Variants in DPP6 observed in about 807,000 individuals in gnomAD.
DPP6 encodes the protein dipeptidyl peptidase like 6.
DPP6 carries 69 observed loss-of-function variants against 122.6 expected under a neutral mutation model. The ratio of observed to expected loss-of-function variants is 0.56; its 90% CI spans 0.46 to 0.69. The LOEUF (loss-of-function observed/expected upper bound fraction) is 0.69, where lower values mean the gene tolerates loss of function less well. Ranked by LOEUF, DPP6 falls within the 30% of genes least tolerant of loss-of-function variation. The pLI, the probability that DPP6 is intolerant of heterozygous loss-of-function variation, is 0.00. For synonymous variants in DPP6, 418 were observed against 433.1 expected, an observed-to-expected ratio of 0.97 and a Z score of 0.43; for missense variants, 928 against 1,116.9, an observed-to-expected ratio of 0.83 and a Z score of 2.41.
chr7:154,030,897 A>G (rs188535625), intron 1 of DPP6, among the ~76,000 whole-genome samples: 3,966 of 152,052 alleles, frequency 0.026, 72 homozygotes, highest in Non-Finnish European at 0.036. Context: ...CATGTCTCTG[A>G]GCTATTAATA....
chr7:154,182,357 T>C (rs1172611803), intron 1 of DPP6, among the ~76,000 whole-genome samples: 1 of 152,142 alleles, frequency 6.6e-6, no homozygotes, highest in South Asian at 2.1e-4. Flanking sequence ...CACATGCCCA[T>C]TGCTGACCTA....
At chr7:154,622,806 G>A (rs1441840304) in intron 5 of DPP6, among the ~76,000 whole-genome samples, 10 of 152,198 alleles carry the variant, frequency 6.6e-5, no homozygotes, top group Non-Finnish European at 1.5e-4. Context: ...AGGGCAGCCT[G>A]CTGTGGGAAT....
intron 1 of DPP6, among the ~76,000 whole-genome samples, chr7:154,256,533 C>G (rs1563376505): frequency 6.6e-6 from 1 of 152,216 alleles, no homozygotes; most frequent in Non-Finnish European, 1.5e-5. Flanking sequence ...AGCTCACCCA[C>G]CTATCTGTAG....
At chr7:154,515,343 C>T (rs1387300494) in intron 3 of DPP6, among the ~76,000 whole-genome samples, 5 of 152,170 alleles carry the variant, frequency 3.3e-5, no homozygotes, top group African/African-American at 9.7e-5. Context: ...GTCCTGTCCT[C>T]CCTGGTGTGC....
At chr7:154,265,931 A>G (rs1342125151) in intron 1 of DPP6, among the ~76,000 whole-genome samples, 1 of 152,210 alleles carries the variant, frequency 6.6e-6, no homozygotes, top group Non-Finnish European at 1.5e-5. Flanking sequence ...TAAAAATGCA[A>G]CATGTACAAC....
chr7:154,030,101 T>C (rs530140865), intron 1 of DPP6, among the ~76,000 whole-genome samples: 365 of 152,076 alleles, frequency 2.4e-3, no homozygotes, highest in African/African-American at 8.7e-3. Context: ...GAGATTGCAG[T>C]GGGAGGATCA....
chr7:154,649,647 T>C (rs936998), intron 6 of DPP6, among the ~76,000 whole-genome samples: 113,899 of 152,166 alleles, frequency 0.75, 44,933 homozygotes, highest in Non-Finnish European at 0.87. Flanking sequence ...CATAGATCTG[T>C]GCCCTCAATG....
chr7:154,373,217 G>A (rs569651255), intron 1 of DPP6, among the ~76,000 whole-genome samples: 68 of 152,318 alleles, frequency 4.5e-4, no homozygotes, highest in Non-Finnish European at 9.0e-4. Context: ...TGAAGAGCCA[G>A]AACTAGAAGG....
chr7:154,788,312 C>T (rs866677341), intron 10 of DPP6, among the ~76,000 whole-genome samples: 26 of 152,050 alleles, frequency 1.7e-4, no homozygotes, highest in South Asian at 8.3e-4. Flanking sequence ...GGCGTGGTGG[C>T]GCACACCTGT....
intron 3 of DPP6, among the ~76,000 whole-genome samples, chr7:154,506,749 T>A (rs747976800): frequency 2.0e-5 from 3 of 152,202 alleles, no homozygotes; most frequent in Non-Finnish European, 4.4e-5. Flanking sequence ...AAAATTAAGA[T>A]CTATATTTAT....
chr7:154,265,271 A>G (rs1803350050), intron 1 of DPP6, among the ~76,000 whole-genome samples: 1 of 151,374 alleles, frequency 6.6e-6, no homozygotes, highest in African/African-American at 2.4e-5. Context: ...GATGATGATG[A>G]TGGTCATAAT....
At chr7:154,728,015 A>C in intron 8 of DPP6, 128 bp downstream of exon 8, 1 of 1,443,274 alleles carries the variant, frequency 6.9e-7, no homozygotes. Context: ...GAGGTTCTGC[A>C]AAATTTAAAA....
At chr7:154,017,715 A>T (rs189202283) in intron 1 of DPP6, among the ~76,000 whole-genome samples, 1,404 of 121,160 alleles carry the variant, frequency 0.012, 13 homozygotes, top group Admixed American at 0.016. Context: ...AAATAAAAAA[A>T]AAATAAAAAA....
chr7:154,647,792 G>A lies in DPP6; in HGVS notation c.680+9919G>A, dbSNP rs539076868. Among the ~76,000 whole-genome samples the A allele has an allele frequency of 6.6e-5, 10 of 152,272 alleles. No homozygotes were observed. The South Asian group carries it at 8.3e-4, about 13-fold the overall frequency. ...CTTTCTTGTGCTGGTGAATCAGCAC[G>A]CGTGTTGAACCAGCCATTAATCTCC... is the stretch of plus-strand genomic sequence containing the variant. On this transcript the variant is annotated intron_variant, in intron 6 of 25. Coordinates refer to ENST00000377770, the MANE Select transcript of DPP6 (RefSeq NM_130797.4).
the DPP6 span, among the ~76,000 whole-genome samples, chr7:153,846,206 A>G: frequency 6.6e-6 from 1 of 152,162 alleles, no homozygotes; most frequent in African/African-American, 2.4e-5. Context: ...ATTTTCTCTG[A>G]TAACTTATAA....
chr7:154,561,405 T>C (rs996731362), intron 4 of DPP6, among the ~76,000 whole-genome samples: 1 of 152,194 alleles, frequency 6.6e-6, no homozygotes, highest in African/African-American at 2.4e-5. Flanking sequence ...AAGTATGTTC[T>C]TTAACAGAAA....
chr7:154,059,581 C>A (rs1393789257), intron 1 of DPP6: 1 of 143,554 alleles, frequency 7.0e-6, no homozygotes, highest in Non-Finnish European at 1.5e-5. Context: ...GGATCCCAAA[C>A]TGCAGTATGA....
intron 16 of DPP6, among the ~76,000 whole-genome samples, chr7:154,845,916 A>G (rs571191221): frequency 6.6e-5 from 10 of 152,162 alleles, no homozygotes; most frequent in Non-Finnish European, 1.3e-4. Context: ...TGTGGCCTGC[A>G]GGGCCTCTGT....
intron 16 of DPP6, among the ~76,000 whole-genome samples, chr7:154,846,648 T>C (rs1019032952): frequency 6.6e-6 from 1 of 152,286 alleles, no homozygotes; most frequent in South Asian, 2.1e-4. Flanking sequence ...CAAAGATATA[T>C]GTAAGAGGTT....
Sources: gnomAD v4.1 joint callset for allele counts (sites outside exome capture counted in the v4.1 genomes callset) on GRCh38, gnomAD v4.1.1 for gene constraint, MANE v1.5 for transcripts, NCBI Gene and HGNC (gene_info 2026-07-23, HGNC 2026-07-21) for gene names.